The following DLG2 variants were observed in gnomAD, a reference collection of about 807,000 sequenced individuals.
DLG2 encodes the protein disks large homolog 2.
DLG2 carries 45 observed loss-of-function variants against 132.5 expected under a neutral mutation model. The ratio of observed to expected loss-of-function variants is 0.34; its 90% CI spans 0.27 to 0.44. The LOEUF is 0.44. Ranked by LOEUF, DLG2 falls within the 20% of genes least tolerant of loss-of-function variation. The probability of loss-of-function intolerance (pLI) is 1.00; values close to 1 mark genes in which losing one functional copy is unlikely to be tolerated. For missense variants in DLG2, 1,045 were observed against 1,196.9 expected (o/e 0.87, Z 1.87); for synonymous variants, 424 against 419.6 (o/e 1.01, Z -0.13).
chr11:85,425,817 C>G (rs549118441), intron 3 of DLG2, among the ~76,000 whole-genome samples: 1 of 152,112 alleles, frequency 6.6e-6, no homozygotes, highest in Admixed American at 6.6e-5. Context: ...GCACACCAAG[C>G]AAGAGCCGAA....
At chr11:84,630,666 C>A (rs1032170395) in intron 6 of DLG2, among the ~76,000 whole-genome samples, 1 of 152,116 alleles carries the variant, frequency 6.6e-6, no homozygotes, top group Admixed American at 6.6e-5. Context: ...TACATAGTTT[C>A]TAATCTGCTT....
intron 9 of DLG2, among the ~76,000 whole-genome samples, chr11:84,117,738 C>A (rs1811732965): frequency 6.6e-6 from 1 of 151,996 alleles, no homozygotes; most frequent in Admixed American, 6.6e-5. Flanking sequence ...TTTATGGGCA[C>A]CTCTAACCAT....
chr11:84,584,837 C>T (rs933558242), intron 6 of DLG2, among the ~76,000 whole-genome samples: 1 of 151,252 alleles, frequency 6.6e-6, no homozygotes, highest in African/African-American at 2.4e-5. Flanking sequence ...TACAGGCGCC[C>T]GCCACTACAC....
At chr11:84,884,199 A>G (rs2087836945) in intron 6 of DLG2, among the ~76,000 whole-genome samples, 2 of 152,116 alleles carry the variant, frequency 1.3e-5, no homozygotes, top group Non-Finnish European at 2.9e-5. Flanking sequence ...AGAGAAAATA[A>G]AAGCTTTTAA....
chr11:83,994,979 A>G (rs183715203), intron 11 of DLG2, among the ~76,000 whole-genome samples: 2 of 136,288 alleles, frequency 1.5e-5, no homozygotes, highest in Admixed American at 7.4e-5. Context: ...TTCTGTGTCC[A>G]TTTTTTTTTT....
chr11:84,802,995 TCA>T (rs1285912388), intron 6 of DLG2, among the ~76,000 whole-genome samples: 1 of 152,092 alleles, frequency 6.6e-6, no homozygotes. Flanking sequence ...GAGACGGGTT[TCA>T]CAGTGTTAGC....
chr11:85,561,059 C>T (rs2077206874), intron 3 of DLG2, among the ~76,000 whole-genome samples: 1 of 149,664 alleles, frequency 6.7e-6, no homozygotes, highest in African/African-American at 2.4e-5. Flanking sequence ...AAAATAAACA[C>T]TGTGAGCTGT....
chr11:83,832,519 C>T (rs2093367147), intron 17 of DLG2, among the ~76,000 whole-genome samples: 1 of 152,124 alleles, frequency 6.6e-6, no homozygotes, highest in South Asian at 2.1e-4. Flanking sequence ...AAGCCAAATA[C>T]CACATGTTCT....
chr11:83,885,775 T>C (rs143989865), intron 15 of DLG2, among the ~76,000 whole-genome samples: 1 of 152,052 alleles, frequency 6.6e-6, no homozygotes. Context: ...CAAGCCAGAA[T>C]AGAGTGGGGG....
chr11:85,183,574 T>G (rs928618692), intron 4 of DLG2, among the ~76,000 whole-genome samples: 1 of 151,886 alleles, frequency 6.6e-6, no homozygotes, highest in African/African-American at 2.4e-5. Flanking sequence ...ATCTTGGCTG[T>G]GGTTGGGTCC....
At chr11:85,275,806 CAT>C (rs1358932716) in intron 4 of DLG2, among the ~76,000 whole-genome samples, 1 of 151,772 alleles carries the variant, frequency 6.6e-6, no homozygotes, top group African/African-American at 2.4e-5. Context: ...AGATATAAAC[CAT>C]ATATTCAGGG....
At chr11:85,624,846 A>T (rs576633888) in intron 2 of DLG2, among the ~76,000 whole-genome samples, 1 of 152,292 alleles carries the variant, frequency 6.6e-6, no homozygotes, top group East Asian at 1.9e-4. Context: ...TAGTCAATTC[A>T]TTATTGAAGA....
intron 8 of DLG2, among the ~76,000 whole-genome samples, chr11:84,187,463 A>C (rs1159081926): frequency 6.6e-6 from 1 of 152,046 alleles, no homozygotes; most frequent in Non-Finnish European, 1.5e-5. Flanking sequence ...ACAAAGAATA[A>C]AAGAAGCATC....
At chr11:85,290,557 G>A (rs967711900) in intron 3 of DLG2, among the ~76,000 whole-genome samples, 6 of 151,950 alleles carry the variant, frequency 3.9e-5, no homozygotes, top group African/African-American at 1.2e-4. Context: ...GAGGGGAATA[G>A]GGTGAAAGAT....
intron 8 of DLG2, among the ~76,000 whole-genome samples, chr11:84,197,066 GAAAA>G (rs1414186899): frequency 2.9e-4 from 37 of 127,062 alleles, no homozygotes; most frequent in African/African-American, 1.0e-3. Context: ...AGAAAGAAAA[GAAAA>G]AAAAAACGAA....
At chr11:85,083,637 G>A (rs1355741396) in intron 6 of DLG2, among the ~76,000 whole-genome samples, 2 of 152,040 alleles carry the variant, frequency 1.3e-5, no homozygotes, top group Non-Finnish European at 2.9e-5. Flanking sequence ...GGGCTTCTAG[G>A]TCATAGGTAG....
chr11:83,914,181 G>A (rs1250998443), intron 15 of DLG2, among the ~76,000 whole-genome samples: 1 of 152,074 alleles, frequency 6.6e-6, no homozygotes, highest in East Asian at 1.9e-4. Flanking sequence ...CTCTCATGAT[G>A]GCTTGGGGTC....
At chr11:84,981,345 G>C (rs2055709528) in intron 6 of DLG2, among the ~76,000 whole-genome samples, 1 of 152,178 alleles carries the variant, frequency 6.6e-6, no homozygotes, top group Non-Finnish European at 1.5e-5. Flanking sequence ...TTGAGGCTGA[G>C]AGTTATGAGG....
chr11:84,893,529 A>G (rs2089747683), intron 6 of DLG2, among the ~76,000 whole-genome samples: 1 of 152,162 alleles, frequency 6.6e-6, no homozygotes, highest in African/African-American at 2.4e-5. Context: ...CCTTCTTCCT[A>G]TGCTACCTCC....
Sources: allele counts gnomAD v4.1 joint callset (sites outside exome capture counted in the v4.1 genomes callset), GRCh38; gene constraint gnomAD v4.1.1; transcripts MANE v1.5; gene names NCBI Gene and HGNC (gene_info 2026-07-23, HGNC 2026-07-21).